PKP2: variants seen among roughly 807,000 people sequenced by gnomAD.
PKP2 encodes the protein plakophilin 2.
Under a neutral mutation model 83.4 loss-of-function variants are expected in PKP2, and 73 were observed. The ratio of observed to expected loss-of-function variants is 0.88; its 90% confidence interval spans 0.72 to 1.06. PKP2 has a LOEUF of 1.06. PKP2 is among the 50% of genes least tolerant of loss of function. PKP2 has a pLI of 0.00. For missense variants in PKP2, 966 were observed against 1,065.4 expected, an observed-to-expected ratio of 0.91 and a Z score of 1.30; for synonymous variants, 409 against 430.4, an observed-to-expected ratio of 0.95 and a Z score of 0.62.
chr12:32,869,800 G>C (rs1159075029), intron 3 of PKP2, among the ~76,000 whole-genome samples: 6 of 152,030 alleles, frequency 3.9e-5, no homozygotes, highest in African/African-American at 1.4e-4. Context: ...CAGGAGGATT[G>C]CCTGAGTCCA....
intron 9 of PKP2, among the ~76,000 whole-genome samples, chr12:32,811,312 C>G (rs1956275335): frequency 6.6e-6 from 1 of 152,218 alleles, no homozygotes; most frequent in African/African-American, 2.4e-5. Context: ...TAGGTGCTGT[C>G]TCATCAGCTG....
chr12:32,844,568 G>C (rs561235031), intron 5 of PKP2, among the ~76,000 whole-genome samples: 1 of 152,270 alleles, frequency 6.6e-6, no homozygotes, highest in South Asian at 2.1e-4. Context: ...CCGATGAGTG[G>C]AAATTCTAAA....
intron 9 of PKP2, among the ~76,000 whole-genome samples, chr12:32,819,585 G>C (rs1467785465): frequency 6.6e-6 from 1 of 152,076 alleles, no homozygotes; most frequent in Non-Finnish European, 1.5e-5. Context: ...ACCCAACACA[G>C]GGATTTGTCT....
intron 6 of PKP2, among the ~76,000 whole-genome samples, chr12:32,832,189 C>A (rs1455810512): frequency 6.6e-6 from 1 of 151,960 alleles, no homozygotes; most frequent in Non-Finnish European, 1.5e-5. Flanking sequence ...CTATCCTGGC[C>A]AACATGGTGA....
rs187827938 is a variant in PKP2 at position 32,843,382 on chromosome 12, G to A, written c.1379-2177C>T. On this transcript the variant is annotated intron_variant, in intron 5 of 12. Transcript: ENST00000340811. ...CTTTATGAACACAGCAAATGTGGCAGACTTGGCTGAACTATGTGGCAAACA... is the reference window on the plus strand; with the variant it reads ...CTTTATGAACACAGCAAATGTGGCAAACTTGGCTGAACTATGTGGCAAACA... The A allele has an allele frequency of 8.1e-6, 10 of 1,239,058 alleles. No individual in the cohort carries two copies. The African/African-American group carries it at 1.1e-4, about 13-fold the overall frequency. 76.8% of individuals were successfully genotyped at this position (1,239,058 alleles called of 1,614,324 possible). A position where few individuals can be genotyped will look rare whatever the true frequency, so the allele number is the denominator to read the frequency against.
At chr12:32,835,044 C>A (rs1159328262) in intron 6 of PKP2, among the ~76,000 whole-genome samples, 1 of 141,684 alleles carries the variant, frequency 7.1e-6, no homozygotes, top group Non-Finnish European at 1.5e-5. Context: ...AAGAAGACAG[C>A]CATTTCTTTT....
At chr12:32,838,423 G>A (rs970373021) in intron 6 of PKP2, among the ~76,000 whole-genome samples, 2 of 151,782 alleles carry the variant, frequency 1.3e-5, no homozygotes, top group East Asian at 1.9e-4. Flanking sequence ...GCCAAACCTC[G>A]GCATCACGCA....
intron 1 of PKP2, among the ~76,000 whole-genome samples, chr12:32,889,873 G>A (rs771614548): frequency 1.3e-5 from 2 of 151,914 alleles, no homozygotes; most frequent in Middle Eastern, 3.2e-3. Context: ...TCAGGAGATC[G>A]AGACCATCCT....
At chr12:32,795,296 C>T (rs1469267141) in intron 11 of PKP2, among the ~76,000 whole-genome samples, 1 of 150,192 alleles carries the variant, frequency 6.7e-6, no homozygotes, top group Non-Finnish European at 1.5e-5. Context: ...AGAGATAAGA[C>T]AGAGAAAAAA....
chr12:32,857,880 C>T (rs962186768), intron 4 of PKP2, among the ~76,000 whole-genome samples: 5 of 150,094 alleles, frequency 3.3e-5, no homozygotes, highest in Non-Finnish European at 5.9e-5. Flanking sequence ...AATAAAAATT[C>T]CAGTAATTTG....
chr12:32,891,064 G>C (rs1262812620), intron 1 of PKP2, among the ~76,000 whole-genome samples: 1 of 152,108 alleles, frequency 6.6e-6, no homozygotes, highest in Non-Finnish European at 1.5e-5. Flanking sequence ...AGGGGAGCCA[G>C]GTGGCTCACT....
chr12:32,878,412 C>A lies in PKP2; in HGVS notation c.468G>T (p.Pro156=). The change falls in exon 3 of 13, where the codon CCG becomes CCT. Residue 156 remains proline, a synonymous_variant. Coordinates refer to ENST00000340811, the MANE Select transcript of PKP2 (RefSeq NM_001005242.3). ...CGCTGTGCGTGTAGTGAGCCCTCTC[C>A]GGGCTGCTGTCAGGAGAAATCTCCA... ...RRLEISPDSS[P]ERAHYTHSDY... is the part of the protein sequence containing the mutation. 6.2e-7 allele frequency: 1 copy of A among 1,613,940 alleles called. No individual in the cohort carries two copies. Among genetic ancestry groups the A allele is most frequent in the Non-Finnish European group, 8.5e-7 (1 of 1,179,858 alleles).
intron 8 of PKP2, 52 bp downstream of exon 8, chr12:32,822,415 A>T: frequency 1.4e-6 from 2 of 1,465,356 alleles, no homozygotes; most frequent in East Asian, 2.3e-5. Context: ...ACAAACACAC[A>T]CTCTCTCTCA....
rs185126309 is a variant in PKP2 at position 32,793,095 on chromosome 12, G to C, written c.2358-364C>G. 3.5e-4 allele frequency among the ~76,000 whole-genome samples: 53 copies of C among 152,126 alleles called. No individual in the cohort carries two copies. The East Asian group carries it at 0.01, about 29-fold the overall frequency. ...GTCTGTACTAAAAATACAAAATCTA[G>C]CTGGGCGTGGCAGTGTGTGCCTGTA... On this transcript the variant is annotated intron_variant, in intron 11 of 12. Coordinates refer to ENST00000340811, the MANE Select transcript of PKP2 (RefSeq NM_001005242.3).
At chr12:32,817,575 A>T (rs1956331543) in intron 9 of PKP2, among the ~76,000 whole-genome samples, 1 of 152,192 alleles carries the variant, frequency 6.6e-6, no homozygotes, top group South Asian at 2.1e-4. Context: ...TTAATGTCTT[A>T]ACATGTCTTT....
chr12:32,863,501 GTAAAGGTAAAGGATCACACTAT>G (rs1408959688), intron 4 of PKP2: 1 of 175,940 alleles, frequency 5.7e-6, no homozygotes, highest in Non-Finnish European at 1.2e-5. Flanking sequence ...AAATTTTCAG[GTAAAGGTAAAGGATCACACTAT>G]CTACACAAAC....
intron 1 of PKP2, among the ~76,000 whole-genome samples, chr12:32,882,241 G>A (rs988255146): frequency 1.3e-5 from 2 of 152,162 alleles, no homozygotes; most frequent in African/African-American, 4.8e-5. Context: ...GAAAGTCAGG[G>A]ACAATCTAGA....
chr12:32,824,206 T>C, intron 6 of PKP2, 44 bp from the exon 7 acceptor site: 1 of 1,269,182 alleles, frequency 7.9e-7, no homozygotes, highest in South Asian at 1.2e-5. Flanking sequence ...CTAGGCTGTG[T>C]ATCCAACAGG....
intron 4 of PKP2, among the ~76,000 whole-genome samples, chr12:32,856,695 A>G (rs559686777): frequency 6.6e-6 from 1 of 152,170 alleles, no homozygotes; most frequent in South Asian, 2.1e-4. Flanking sequence ...TGGCATATGT[A>G]TACATATGTA....
Sources: gnomAD v4.1 joint callset for allele counts (sites outside exome capture counted in the v4.1 genomes callset) on GRCh38, gnomAD v4.1.1 for gene constraint, MANE v1.5 for transcripts, NCBI Gene and HGNC (gene_info 2026-07-23, HGNC 2026-07-21) for gene names.